Variants in COQ3 observed in about 807,000 individuals in gnomAD.
The protein encoded by COQ3 is coenzyme Q3, methyltransferase.
Under a neutral mutation model 33.1 loss-of-function variants are expected in COQ3, and 29 were observed. The observed-to-expected ratio is 0.88, with a 90% CI of 0.65 to 1.19. COQ3 has a LOEUF of 1.19. COQ3 is among the 50% of genes most tolerant of loss of function. The pLI is 0.00. For synonymous variants in COQ3, 173 were observed against 157.8 expected, an observed-to-expected ratio of 1.10 and a Z score of -0.72; for missense variants, 437 against 430.7, an observed-to-expected ratio of 1.01 and a Z score of -0.13.
intron 3 of COQ3, among the ~76,000 whole-genome samples, chr6:99,379,916 C>T (rs1468874032): frequency 6.6e-6 from 1 of 151,588 alleles, no homozygotes; most frequent in Non-Finnish European, 1.5e-5. Context: ...GCCATAAGAC[C>T]CTAGTTTGCT....
At chr6:99,391,603 G>GC (rs11375801) in intron 1 of COQ3, among the ~76,000 whole-genome samples, 146,175 of 152,302 alleles carry the variant, frequency 0.96, 70,430 homozygotes, top group East Asian at 1. Context: ...AACAATATCT[G>GC]CTTTTACGGA....
intron 5 of COQ3, among the ~76,000 whole-genome samples, chr6:99,372,653 T>C (rs1272270537): frequency 6.6e-6 from 1 of 152,168 alleles, no homozygotes; most frequent in Non-Finnish European, 1.5e-5. Context: ...CCTGACCTTG[T>C]GATCCACCTG....
At chr6:99,369,971 G>C in intron 6 of COQ3, 151 bp from the exon 7 acceptor site, 1 of 609,686 alleles carries the variant, frequency 1.6e-6, no homozygotes, top group Non-Finnish European at 2.9e-6. Context: ...AACTTAATGG[G>C]CAAGCGTATT....
chr6:99,377,468 G>T lies in COQ3; in HGVS notation c.404C>A (p.Thr135Lys), dbSNP rs755632263. ...TTTTCCTGGCTGGTGATTAGGAATT[G>T]TTTTCAGAAGATTGTCCCTTTTTTA... Reference protein sequence around the residue: ...VPFIRDNLLKTIPNHQPGKPL... With the variant: ...VPFIRDNLLKKIPNHQPGKPL... The change falls in exon 4 of 7, where the codon ACA becomes AAA. Residue 135 changes from threonine (T) to lysine (K), a missense_variant. Physicochemically the swap from Thr to Lys is moderately conservative, Grantham distance 78. Transcript: ENST00000254759. 2 of 1,608,830 alleles carry T rather than the reference G, an allele frequency of 1.2e-6. No homozygotes were observed. The highest frequency in any genetic ancestry group is 4.5e-5 in the East Asian group (2 of 44,724).
chr6:99,387,158 A>G (rs1774674504), intron 1 of COQ3, among the ~76,000 whole-genome samples: 1 of 152,238 alleles, frequency 6.6e-6, no homozygotes, highest in African/African-American at 2.4e-5. Context: ...ACAATAAAAA[A>G]GAGAAATACA....
chr6:99,373,336 T>C (rs923343518), intron 5 of COQ3, among the ~76,000 whole-genome samples: 8 of 151,702 alleles, frequency 5.3e-5, no homozygotes, highest in Admixed American at 2.0e-4. Context: ...GAAGCTGAGG[T>C]GGGAGGATCA....
chr6:99,381,771 C>A (rs1187386446), intron 2 of COQ3, among the ~76,000 whole-genome samples: 8 of 151,850 alleles, frequency 5.3e-5, no homozygotes, highest in Non-Finnish European at 1.0e-4. Flanking sequence ...ACTAAAAATA[C>A]AAAAATTAGC....
intron 5 of COQ3, 41 bp downstream of exon 5, chr6:99,375,899 C>T (rs1358628245): frequency 5.6e-6 from 9 of 1,607,068 alleles, no homozygotes; most frequent in African/African-American, 1.3e-5. Flanking sequence ...AATACACACA[C>T]TCAGAAGAAG....
intron 2 of COQ3, among the ~76,000 whole-genome samples, chr6:99,382,208 A>G (rs896871299): frequency 2.6e-5 from 4 of 152,206 alleles, no homozygotes; most frequent in Non-Finnish European, 4.4e-5. Flanking sequence ...AAAGCCCAGG[A>G]AAGTATATAA....
chr6:99,376,163 G>A lies in COQ3; in HGVS notation c.506C>T (p.Ala169Val), dbSNP rs765163879. ...LLTEPLGRLG[A>V]SVIGIDPVDE... ...CACAGGGTCGATTCCAATAACTGAA[G>A]CCCCAAGCCGCCCTAGAGGCTAATG... Residue 169 changes from alanine (A) to valine (V), a missense_variant, in exon 5 of 7, where the codon GCT (alanine) becomes GTT (valine). Coordinates refer to ENST00000254759, the MANE Select transcript of COQ3 (RefSeq NM_017421.4). 1.2e-6 allele frequency: 2 copies of A among 1,613,898 alleles called. No individual in the cohort carries two copies. Among genetic ancestry groups the A allele is most frequent in the Non-Finnish European group, 8.5e-7 (1 of 1,180,000 alleles).
chr6:99,388,511 T>TC (rs1371897819), intron 1 of COQ3, among the ~76,000 whole-genome samples: 1 of 151,744 alleles, frequency 6.6e-6, no homozygotes, highest in African/African-American at 2.4e-5. Context: ...ATAGCCTTTT[T>TC]TTTTTGATAG....
chr6:99,371,916 T>C (rs1478286686), intron 5 of COQ3, among the ~76,000 whole-genome samples: 1 of 152,190 alleles, frequency 6.6e-6, no homozygotes, highest in Non-Finnish European at 1.5e-5. Context: ...CTCTTCCTTG[T>C]TACATGTCCA....
chr6:99,370,374 A>C (rs1160178745), intron 6 of COQ3, among the ~76,000 whole-genome samples: 1 of 99,410 alleles, frequency 1.0e-5, no homozygotes, highest in Admixed American at 1.5e-4. Flanking sequence ...TGTGAGACAG[A>C]GTTTCACTCT....
At chr6:99,387,118 A>G (rs1267439527) in intron 1 of COQ3, among the ~76,000 whole-genome samples, 1 of 152,188 alleles carries the variant, frequency 6.6e-6, no homozygotes, top group East Asian at 1.9e-4. Context: ...GTTCAATGTT[A>G]AAAAGCAGTT....
chr6:99,388,901 A>ATG (rs1774738105), intron 1 of COQ3, among the ~76,000 whole-genome samples: 3 of 133,848 alleles, frequency 2.2e-5, no homozygotes, highest in Non-Finnish European at 5.0e-5. Flanking sequence ...GCACACACAC[A>ATG]CACACACACA....
Position 99,371,509 on chromosome 6 carries a change from T to C in COQ3, c.808A>G (p.Ile270Val), listed in dbSNP as rs926347558. The C allele has an allele frequency of 6.2e-7, 1 of 1,606,822 alleles. No individual in the cohort carries two copies. Among genetic ancestry groups the C allele is most frequent in the African/African-American group, 1.3e-5 (1 of 74,552 alleles). ...YALGIVFSEQ[I>V]ASIVPKGTHT... ...GTACCTTTTGGTACAATACTTGCAA[T>C]TTGCTCTGAAAAAACAATTCCCAAG... The change falls in exon 6 of 7, where the codon ATT (isoleucine) becomes GTT (valine). Residue 270 changes from isoleucine (I) to valine (V), a missense_variant. Ile to Val is a conservative substitution (Grantham distance 29). Transcript: ENST00000254759.
intron 3 of COQ3, among the ~76,000 whole-genome samples, chr6:99,378,962 T>TTA (rs1399774597): frequency 6.6e-6 from 1 of 150,376 alleles, no homozygotes; most frequent in Non-Finnish European, 1.5e-5. Context: ...TTTTTTTTTT[T>TTA]ACATTTTGCT....
chr6:99,370,895 G>A (rs1774125522), intron 6 of COQ3, among the ~76,000 whole-genome samples: 1 of 152,092 alleles, frequency 6.6e-6, no homozygotes, highest in Admixed American at 6.6e-5. Context: ...AGCAGAGCTA[G>A]GCATTGTAGA....
chr6:99,380,548 T>C (rs1183025619), intron 2 of COQ3, among the ~76,000 whole-genome samples: 8 of 152,170 alleles, frequency 5.3e-5, no homozygotes, highest in Non-Finnish European at 1.2e-4. Flanking sequence ...AAATTACTTT[T>C]CAAGTAAGTT....
Sources: gnomAD v4.1 joint callset for allele counts (sites outside exome capture counted in the v4.1 genomes callset) on GRCh38, gnomAD v4.1.1 for gene constraint, MANE v1.5 for transcripts, NCBI Gene and HGNC (gene_info 2026-07-23, HGNC 2026-07-21) for gene names.